Variants in KCNMA1 observed in about 807,000 individuals in gnomAD.
KCNMA1 encodes the protein potassium calcium-activated channel subfamily M alpha 1.
KCNMA1 carries 29 observed loss-of-function variants against 140.0 expected under a neutral mutation model. The observed-to-expected ratio is 0.21, with a 90% confidence interval of 0.15 to 0.28. The LOEUF (loss-of-function observed/expected upper bound fraction) is 0.28. Ranked by LOEUF, KCNMA1 falls within the 10% of genes least tolerant of loss-of-function variation. KCNMA1 has a pLI of 1.00. For missense variants in KCNMA1, 880 were observed against 1,602.2 expected, an observed-to-expected ratio of 0.55 and a Z score of 7.70; for synonymous variants, 612 against 611.9, an observed-to-expected ratio of 1.00 and a Z score of 0.00.
At chr10:77,471,109 C>A (rs2098138288) in intron 1 of KCNMA1, among the ~76,000 whole-genome samples, 1 of 151,070 alleles carries the variant, frequency 6.6e-6, no homozygotes, top group Non-Finnish European at 1.5e-5. Context: ...ACACACCAGA[C>A]ATGTTACATA....
intron 20 of KCNMA1, among the ~76,000 whole-genome samples, chr10:76,958,755 T>A (rs918671699): frequency 1.3e-5 from 2 of 152,144 alleles, no homozygotes; most frequent in Admixed American, 6.6e-5. Flanking sequence ...CTCAGTACCC[T>A]TGGGAGGAAC....
intron 18 of KCNMA1, among the ~76,000 whole-genome samples, chr10:77,005,255 A>G (rs2153427139): frequency 6.6e-6 from 1 of 152,356 alleles, no homozygotes; most frequent in East Asian, 1.9e-4. Flanking sequence ...TTTCAATTCA[A>G]TGGCTTCTCA....
chr10:77,419,669 G>A (rs936633007), intron 1 of KCNMA1, among the ~76,000 whole-genome samples: 7 of 152,074 alleles, frequency 4.6e-5, no homozygotes, highest in African/African-American at 1.7e-4. Context: ...TCATTTTATA[G>A]ACTTTTCTGT....
Position 77,108,263 on chromosome 10 carries a change from C to A in KCNMA1, c.1223+218G>T. The A allele has an allele frequency of 6.9e-7, 1 of 1,452,490 alleles. No individual in the cohort carries two copies. Among genetic ancestry groups the A allele is most frequent in the African/African-American group, 1.4e-5 (1 of 70,248 alleles). 90.0% of individuals were successfully genotyped at this position (1,452,490 alleles called of 1,614,324 possible). A position where few individuals can be genotyped will look rare whatever the true frequency, so the allele number is the denominator to read the frequency against. On this transcript the variant is annotated intron_variant, in intron 9 of 27. Coordinates refer to ENST00000286628, the MANE Select transcript of KCNMA1 (RefSeq NM_001161352.2). The surrounding 1 kb of genome is among the most constrained non-coding windows in gnomAD (Gnocchi z 4.6). The stretch of plus-strand genomic sequence containing the variant: ...ACTCCTGAAAGTCACTCAACCACAT[C>A]TTTTCTGATGCAACTGACTTACTTT...
intron 2 of KCNMA1, among the ~76,000 whole-genome samples, chr10:77,391,648 T>G (rs536181418): frequency 6.5e-4 from 94 of 145,336 alleles, no homozygotes; most frequent in South Asian, 2.4e-3. Flanking sequence ...TTGTTTGTTT[T>G]TTTCTGGAAA....
At chr10:77,234,123 C>G (rs2054581911) in intron 3 of KCNMA1, among the ~76,000 whole-genome samples, 1 of 151,972 alleles carries the variant, frequency 6.6e-6, no homozygotes, top group Non-Finnish European at 1.5e-5. Flanking sequence ...CATAAAAATG[C>G]CCTAATCAAG....
intron 9 of KCNMA1, among the ~76,000 whole-genome samples, chr10:77,105,303 C>T (rs970849493): frequency 1.3e-5 from 2 of 152,148 alleles, no homozygotes; most frequent in Non-Finnish European, 2.9e-5. Context: ...TTATGCCAAA[C>T]ACATTGATTA....
At chr10:77,127,071 A>AACACACACAC (rs60249347) in intron 5 of KCNMA1, among the ~76,000 whole-genome samples, 1 of 146,372 alleles carries the variant, frequency 6.8e-6, no homozygotes, top group Non-Finnish European at 1.5e-5. Flanking sequence ...CACACACACA[A>AACACACACAC]ACACACACAC....
intron 2 of KCNMA1, among the ~76,000 whole-genome samples, chr10:77,273,141 C>T (rs1220752011): frequency 2.6e-5 from 4 of 152,146 alleles, no homozygotes; most frequent in Non-Finnish European, 4.4e-5. Flanking sequence ...GTAAATAAGT[C>T]CTCAAAACCT....
intron 1 of KCNMA1, among the ~76,000 whole-genome samples, chr10:77,549,327 G>A (rs1280617451): frequency 9.2e-5 from 14 of 152,218 alleles, no homozygotes; most frequent in Non-Finnish European, 1.9e-4. Flanking sequence ...GTAAGGCCAG[G>A]ACCCTTCAGA....
At chr10:77,324,354 G>A (rs370549804) in intron 2 of KCNMA1, among the ~76,000 whole-genome samples, 3 of 152,138 alleles carry the variant, frequency 2.0e-5, no homozygotes, top group South Asian at 4.1e-4. Context: ...GTATCCTAGT[G>A]AGAATTACAT....
chr10:77,123,990 C>A (rs1186526951), intron 5 of KCNMA1, among the ~76,000 whole-genome samples: 2 of 152,104 alleles, frequency 1.3e-5, no homozygotes, highest in Non-Finnish European at 2.9e-5. Context: ...GGACAGCATG[C>A]AACTTAAACA....
chr10:77,139,154 G>A (rs2098115926), intron 5 of KCNMA1, among the ~76,000 whole-genome samples: 1 of 152,198 alleles, frequency 6.6e-6, no homozygotes, highest in Non-Finnish European at 1.5e-5. Context: ...CAAAGGAAAA[G>A]TAAGAAGGGT....
At chr10:76,963,927 T>C (rs1321074612) in intron 20 of KCNMA1, among the ~76,000 whole-genome samples, 1 of 151,926 alleles carries the variant, frequency 6.6e-6, no homozygotes, top group Non-Finnish European at 1.5e-5. Context: ...AGGCCTTAGG[T>C]GGTCTCCTCA....
At chr10:76,930,919 T>C (rs1186180861) in intron 23 of KCNMA1, among the ~76,000 whole-genome samples, 1 of 152,154 alleles carries the variant, frequency 6.6e-6, no homozygotes, top group Non-Finnish European at 1.5e-5. Context: ...ATCTCACTTA[T>C]ACATGGAATC....
In KCNMA1 at chr10:76,932,035, T is replaced by C. The variant is rs534864394; in HGVS notation, c.2902+12738A>G. On this transcript the variant is annotated intron_variant, in intron 23 of 27. Transcript: ENST00000286628. ...CAAAAATAGCTAACATTGCTTGATT[T>C]CTCCCATCCTAGGTAGGAAGTGCTT... 2.0e-5 allele frequency among the ~76,000 whole-genome samples: 3 copies of C among 152,290 alleles called. No individual in the cohort carries two copies. In the East Asian group the frequency reaches 5.8e-4, roughly 29 times the overall value.
chr10:77,133,477 C>T (rs911597022), intron 5 of KCNMA1, among the ~76,000 whole-genome samples: 1 of 151,504 alleles, frequency 6.6e-6, no homozygotes, highest in African/African-American at 2.4e-5. Context: ...AAAAGAGGAA[C>T]AAATAGAGCA....
chr10:77,632,373 A>C (rs772079260), intron 1 of KCNMA1, among the ~76,000 whole-genome samples: 8 of 152,208 alleles, frequency 5.3e-5, no homozygotes, highest in Non-Finnish European at 1.0e-4. Context: ...TTGGGATAAC[A>C]GGGATGGAAT....
intron 1 of KCNMA1, among the ~76,000 whole-genome samples, chr10:77,633,302 G>A (rs1354970312): frequency 3.3e-5 from 5 of 151,882 alleles, no homozygotes; most frequent in East Asian, 1.9e-4. Flanking sequence ...GTGACAGAGC[G>A]AGACTCCATC....
Sources: allele counts gnomAD v4.1 joint callset (sites outside exome capture counted in the v4.1 genomes callset), GRCh38; gene constraint gnomAD v4.1.1; non-coding constraint Gnocchi (gnomAD v3.1); transcripts MANE v1.5; gene names NCBI Gene and HGNC (gene_info 2026-07-23, HGNC 2026-07-21).